The following FAF2 variants were observed in gnomAD, a reference collection of about 807,000 sequenced individuals.
FAF2 encodes the protein FAS-associated factor 2.
Under a neutral mutation model 62.3 loss-of-function variants are expected in FAF2, and 9 were observed. The ratio of observed to expected loss-of-function variants is 0.14; its 90% CI spans 0.09 to 0.25. FAF2 has a LOEUF of 0.25. Ranked by LOEUF, FAF2 falls within the 10% of genes least tolerant of loss-of-function variation. The pLI, the probability that FAF2 is intolerant of heterozygous loss-of-function variation, is 1.00. For missense variants in FAF2, 368 were observed against 556.2 expected (o/e 0.66, Z 3.40); for synonymous variants, 202 against 198.0 (o/e 1.02, Z -0.17).
chr5:176,455,885 T>C (rs1758270426), intron 1 of FAF2, among the ~76,000 whole-genome samples: 1 of 152,226 alleles, frequency 6.6e-6, no homozygotes, highest in Admixed American at 6.5e-5. Context: ...TACATAAATA[T>C]TCATTTATGT....
intron 8 of FAF2, among the ~76,000 whole-genome samples, chr5:176,498,573 T>G (rs897243328): frequency 3.3e-5 from 5 of 152,178 alleles, no homozygotes; most frequent in African/African-American, 1.2e-4. Flanking sequence ...AAAAATGCAG[T>G]CACCCAAAAT....
chr5:176,477,424 G>T (rs994852414), intron 1 of FAF2, among the ~76,000 whole-genome samples: 5 of 152,008 alleles, frequency 3.3e-5, no homozygotes, highest in African/African-American at 1.2e-4. Flanking sequence ...CAGCGAGAAG[G>T]AGGAACCCTG....
chr5:176,489,996 G>A (rs1180565960), intron 4 of FAF2, among the ~76,000 whole-genome samples: 1 of 152,204 alleles, frequency 6.6e-6, no homozygotes, highest in Non-Finnish European at 1.5e-5. Flanking sequence ...AAGCTACAGA[G>A]GGTCCAAGGC....
intron 8 of FAF2, among the ~76,000 whole-genome samples, chr5:176,497,166 A>T (rs868514007): frequency 3.3e-5 from 5 of 152,284 alleles, no homozygotes; most frequent in Middle Eastern, 3.4e-3. Context: ...TAAATGAATG[A>T]ATAAACAAAG....
intron 10 of FAF2, among the ~76,000 whole-genome samples, chr5:176,504,980 A>C (rs1282260310): frequency 2.0e-5 from 3 of 149,076 alleles, no homozygotes; most frequent in African/African-American, 7.4e-5. Flanking sequence ...TCGTGTTTGC[A>C]CCACTGCACT....
In FAF2 at chr5:176,482,466, G is replaced by A. The variant is rs141338572; in HGVS notation, c.132+3210G>A. 4.6e-3 allele frequency among the ~76,000 whole-genome samples: 699 copies of A among 152,192 alleles called. 2 individuals are homozygous for A. Among genetic ancestry groups the A allele is most frequent in the Non-Finnish European group, 7.2e-3 (491 of 68,012 alleles). On this transcript the variant is annotated intron_variant, in intron 2 of 10. Coordinates refer to ENST00000261942, the MANE Select transcript of FAF2 (RefSeq NM_014613.3). ...GGCCTCAAGTGATCCACCCGCCTTG[G>A]CCTCCCAAATTCCTGGAATTACAGG...
chr5:176,494,385 G>T lies in FAF2; in HGVS notation c.661+110G>T, dbSNP rs75402215. On this transcript the variant is annotated intron_variant, in intron 7 of 10. Transcript: ENST00000261942. The surrounding 1 kb of genome is among the most constrained non-coding windows in gnomAD (Gnocchi z 4.0). ...AGTGTGTTTGTTCTGTGGTAGATAC[G>T]ACGCTAGTTGCTATTTTATATTGTC... 8 of 862,024 alleles carry T rather than the reference G, an allele frequency of 9.3e-6. No individual in the cohort carries two copies. Among genetic ancestry groups the T allele is most frequent in the African/African-American group, 1.7e-5 (1 of 59,908 alleles). The allele number at this position is 862,024 out of a possible 1,614,324, so 53.4% of individuals were successfully genotyped here.
chr5:176,491,324 T>C (rs760180988), intron 4 of FAF2, among the ~76,000 whole-genome samples: 2 of 152,168 alleles, frequency 1.3e-5, no homozygotes, highest in Non-Finnish European at 2.9e-5. Context: ...GTAGGCCCTT[T>C]AGAAACAGAT....
At chr5:176,448,564 C>A in intron 1 of FAF2, 94 bp downstream of exon 1, 3 of 1,243,670 alleles carry the variant, frequency 2.4e-6, no homozygotes, top group South Asian at 1.4e-5. Context: ...GGGTTCAGAT[C>A]CTTCTCAGAC....
chr5:176,471,375 CTTTTTTTT>C (rs138149987), intron 1 of FAF2, among the ~76,000 whole-genome samples: 5 of 97,614 alleles, frequency 5.1e-5, no homozygotes, highest in Non-Finnish European at 3.9e-5. Flanking sequence ...TCTGTACATT[CTTTTTTTT>C]TTTTTTTTTT....
At chr5:176,465,237 C>G (rs1287199712) in intron 1 of FAF2, among the ~76,000 whole-genome samples, 1 of 152,004 alleles carries the variant, frequency 6.6e-6, no homozygotes. Context: ...ACCCTTTGTC[C>G]ATAGAGAAAA....
Position 176,486,507 on chromosome 5 carries a change from TG to T in FAF2, c.267+21del, listed in dbSNP as rs1404312281. On this transcript the variant is annotated intron_variant, in intron 3 of 10. Coordinates refer to ENST00000261942, the MANE Select transcript of FAF2 (RefSeq NM_014613.3). ...AACCAAGGGCAAGTTATTTCATAGCTGGGATTTCCCCCTTTTTTATTTATAA... is the reference window on the plus strand; with the variant it reads ...AACCAAGGGCAAGTTATTTCATAGCTGGATTTCCCCCTTTTTTATTTATAA... 6.2e-7 allele frequency: 1 copy of T among 1,613,468 alleles called. No individual in the cohort carries two copies. Among genetic ancestry groups the T allele is most frequent in the Admixed American group, 1.7e-5 (1 of 59,852 alleles).
At chr5:176,459,333 A>G (rs1480473947) in intron 1 of FAF2, among the ~76,000 whole-genome samples, 1 of 139,008 alleles carries the variant, frequency 7.2e-6, no homozygotes, top group Non-Finnish European at 1.5e-5. Context: ...TTCATGGTTC[A>G]CTGCAGCTCC....
chr5:176,467,660 T>A (rs1275633549), intron 1 of FAF2, among the ~76,000 whole-genome samples: 2 of 152,272 alleles, frequency 1.3e-5, no homozygotes, highest in East Asian at 1.9e-4. Context: ...ATGCCAGTTT[T>A]AGCTGACCTT....
chr5:176,488,955 T>G lies in FAF2; in HGVS notation c.272T>G (p.Leu91Arg). ...YVVSRPQPRG[L>R]LGWGYYLIML... ...ACTTTGTTTTTGGACTTTCAGGGGC[T>G]GCTTGGATGGGGTTATTACTTGATA... is the stretch of plus-strand genomic sequence containing the variant. Residue 91 changes from leucine to arginine, a missense_variant, in exon 4 of 11, where the codon CTG becomes CGG. By Grantham distance (102) the Leu-to-Arg change is moderately radical. This residue lies in a region of FAF2 where 331 missense variants were observed against 441.9 expected (regional missense o/e 0.75). Coordinates refer to ENST00000261942, the MANE Select transcript of FAF2 (RefSeq NM_014613.3). 1 of 1,613,930 alleles carries G rather than the reference T, an allele frequency of 6.2e-7. No homozygotes were observed. The highest frequency in any genetic ancestry group is 2.2e-5 in the East Asian group (1 of 44,858).
chr5:176,459,474 A>G (rs1002260765), intron 1 of FAF2, among the ~76,000 whole-genome samples: 1 of 152,052 alleles, frequency 6.6e-6, no homozygotes, highest in Non-Finnish European at 1.5e-5. Flanking sequence ...TATGTTGTCC[A>G]GGCTGGTCTC....
At chr5:176,484,805 C>T (rs771161509) in intron 2 of FAF2, among the ~76,000 whole-genome samples, 43 of 151,386 alleles carry the variant, frequency 2.8e-4, no homozygotes, top group Non-Finnish European at 5.0e-4. Flanking sequence ...GCAGGAGAAT[C>T]GCTTGAACCT....
At chr5:176,505,107 G>A (rs1013648042) in intron 10 of FAF2, among the ~76,000 whole-genome samples, 2 of 151,726 alleles carry the variant, frequency 1.3e-5, no homozygotes, top group African/African-American at 4.8e-5. Flanking sequence ...AAAACCCAGA[G>A]AATTCATCAT....
chr5:176,479,603 C>G (rs919884639), intron 2 of FAF2, among the ~76,000 whole-genome samples: 66 of 152,054 alleles, frequency 4.3e-4, no homozygotes, highest in Admixed American at 4.0e-3. Context: ...TAGTCATGTT[C>G]TCTGCAACTC....
Sources: gnomAD v4.1 joint callset for allele counts (sites outside exome capture counted in the v4.1 genomes callset) on GRCh38, gnomAD v4.1.1 for gene constraint, gnomAD v4.1.1 regional missense constraint, Gnocchi (gnomAD v3.1) non-coding constraint, MANE v1.5 for transcripts, NCBI Gene and HGNC (gene_info 2026-07-23, HGNC 2026-07-21) for gene names.